RNF121: variants seen among roughly 807,000 people sequenced by gnomAD.
RNF121 encodes the protein E3 ubiquitin ligase RNF121.
RNF121 carries 21 observed loss-of-function variants against 46.5 expected under a neutral mutation model. The ratio of observed to expected loss-of-function variants is 0.45; its 90% CI spans 0.32 to 0.65. The LOEUF is 0.65. Ranked by LOEUF, RNF121 falls within the 30% of genes least tolerant of loss-of-function variation. The pLI, the probability that RNF121 is intolerant of heterozygous loss-of-function variation, is 0.04. For missense variants in RNF121, 346 were observed against 416.0 expected (o/e 0.83, Z 1.46); for synonymous variants, 139 against 144.7 (o/e 0.96, Z 0.28).
Position 71,997,196 on chromosome 11 carries a change from G to A in RNF121, c.*881G>A, listed in dbSNP as rs888968467. The stretch of plus-strand genomic sequence containing the variant: ...ACTTCCTTCTTGAAAGCCTAAGAGT[G>A]CGTATGCGTGTGTGTGTGTGTGTGT... On this transcript the variant is annotated 3_prime_UTR_variant, in exon 9 of 9. Transcript: ENST00000361756. 1.4e-5 allele frequency: 1 copy of A among 73,534 alleles called. No individual in the cohort carries two copies. The highest frequency in any genetic ancestry group is 3.4e-5 in the Non-Finnish European group (1 of 29,004). 4.6% of individuals were successfully genotyped at this position (73,534 alleles called of 1,614,324 possible).
intron 1 of RNF121, chr11:71,939,241 T>C: frequency 5.1e-6 from 1 of 194,566 alleles, no homozygotes; most frequent in Non-Finnish European, 1.1e-5. Context: ...TCTGCATTTT[T>C]AAGCATGTGC....
Position 71,994,823 on chromosome 11 carries a change from G to C in RNF121, c.732G>C (p.Glu244Asp). ...FVDVSEEGII[E>D]NTYRLSCNHV... is the part of the protein sequence containing the mutation. ...ACGTCAGTGAAGAGGGGATCATTGA[G>C]AACACGTATAGGCTGTCCTGCAATC... The change falls in exon 7 of 9, where the codon GAG becomes GAC. Residue 244 changes from glutamate to aspartate, a missense_variant. By Grantham distance (45) the Glu-to-Asp change is conservative. Coordinates refer to ENST00000361756, the MANE Select transcript of RNF121 (RefSeq NM_018320.5). 6.2e-7 allele frequency: 1 copy of C among 1,614,186 alleles called. No homozygotes were observed. The highest frequency in any genetic ancestry group is 8.5e-7 in the Non-Finnish European group (1 of 1,180,036).
chr11:71,985,164 G>T (rs7926550), intron 4 of RNF121, among the ~76,000 whole-genome samples: 1 of 152,134 alleles, frequency 6.6e-6, no homozygotes, highest in Non-Finnish European at 1.5e-5. Context: ...TGAGCTCAAA[G>T]AATCCTCCCA....
At chr11:71,979,650 C>T (rs752610202) in intron 3 of RNF121, among the ~76,000 whole-genome samples, 16 of 152,288 alleles carry the variant, frequency 1.1e-4, no homozygotes, top group Non-Finnish European at 2.2e-4. Context: ...CTCTCCTCAC[C>T]CAGAATGTAC....
chr11:71,980,790 G>T (rs1252604334), intron 3 of RNF121, among the ~76,000 whole-genome samples: 1 of 152,194 alleles, frequency 6.6e-6, no homozygotes, highest in Non-Finnish European at 1.5e-5. Context: ...AATGTAGCTA[G>T]TCTGTTGTAA....
intron 1 of RNF121, among the ~76,000 whole-genome samples, chr11:71,941,676 A>G (rs1953571611): frequency 6.6e-6 from 1 of 152,250 alleles, no homozygotes; most frequent in Non-Finnish European, 1.5e-5. Context: ...TACTTGAACC[A>G]AGTCCTGAAT....
chr11:71,986,911 C>G (rs1954782896), intron 4 of RNF121, 93 bp from the exon 5 acceptor site: 1 of 767,868 alleles, frequency 1.3e-6, no homozygotes, highest in Non-Finnish European at 2.3e-6. Context: ...CCCTGGTGTC[C>G]CCATTGATGT....
At position 71,991,202 on chromosome 11, in the gene RNF121, T is replaced by C. The variant is rs142867071; in HGVS notation, c.627+485T>C. Among the ~76,000 whole-genome samples, 34 of 149,788 alleles carry C rather than the reference T, an allele frequency of 2.3e-4. No homozygotes were observed. The East Asian group carries it at 6.7e-3, about 30-fold the overall frequency. ...TGCCCATGTAACAAACCTGCACATG[T>C]ACCCTCTGAATCTAAAATAAAAGTT... On this transcript the variant is annotated intron_variant, in intron 6 of 8. Coordinates refer to ENST00000361756, the MANE Select transcript of RNF121 (RefSeq NM_018320.5).
In RNF121 at chr11:71,996,430, C is replaced by G; in HGVS notation, c.*115C>G. On this transcript the variant is annotated 3_prime_UTR_variant, in exon 9 of 9. Transcript: ENST00000361756. ...AAGACTCAAAGGGGTGCTTGGGCCA[C>G]TCAGGACCCCTCTGGCTGTGTCGGA... The G allele has an allele frequency of 8.0e-7, 1 of 1,250,360 alleles. No individual in the cohort carries two copies. The highest frequency in any genetic ancestry group is 1.5e-5 in the South Asian group (1 of 66,806). 77.5% of individuals were successfully genotyped at this position (1,250,360 alleles called of 1,614,324 possible).
At chr11:71,971,568 A>AG (rs1954420800) in intron 3 of RNF121, among the ~76,000 whole-genome samples, 1 of 152,144 alleles carries the variant, frequency 6.6e-6, no homozygotes, top group Admixed American at 6.5e-5. Context: ...ATATTTATCC[A>AG]GAGAAACTCC....
At chr11:71,963,449 C>CG (rs1226134430) in intron 3 of RNF121, among the ~76,000 whole-genome samples, 2 of 151,890 alleles carry the variant, frequency 1.3e-5, no homozygotes, top group Admixed American at 1.3e-4. Context: ...GGTGAAACCC[C>CG]GTCTCTAATA....
chr11:71,978,176 C>T, intron 3 of RNF121: 3 of 452,678 alleles, frequency 6.6e-6, no homozygotes, highest in South Asian at 3.1e-5. Context: ...GCTCGAATTA[C>T]AGGAGTGAGC....
At chr11:71,951,342 T>A (rs1002791701) in intron 1 of RNF121, among the ~76,000 whole-genome samples, 2 of 152,216 alleles carry the variant, frequency 1.3e-5, no homozygotes, top group South Asian at 4.2e-4. Flanking sequence ...CAGATTAGGA[T>A]GTACATTATT....
intron 7 of RNF121, 50 bp from the exon 8 acceptor site, chr11:71,995,400 C>A: frequency 6.9e-7 from 1 of 1,441,580 alleles, no homozygotes; most frequent in Non-Finnish European, 9.6e-7. Context: ...CTGTCTGGGG[C>A]TGGAGTGCCG....
chr11:71,949,694 C>A (rs1467026712), intron 1 of RNF121, among the ~76,000 whole-genome samples: 2 of 151,790 alleles, frequency 1.3e-5, no homozygotes, highest in Non-Finnish European at 2.9e-5. Flanking sequence ...AGTAAGACTC[C>A]ATCTCAAAAC....
intron 5 of RNF121, 71 bp downstream of exon 5, chr11:71,987,182 C>A: frequency 1.0e-6 from 1 of 1,004,788 alleles, no homozygotes; most frequent in Non-Finnish European, 1.6e-6. Flanking sequence ...CCTCTTGTTG[C>A]AAGTCGTGGT....
At chr11:71,968,309 C>T (rs1038859764) in intron 3 of RNF121, among the ~76,000 whole-genome samples, 1 of 152,194 alleles carries the variant, frequency 6.6e-6, no homozygotes, top group Non-Finnish European at 1.5e-5. Context: ...ATCAAACTGC[C>T]TCGGCCTCGC....
intron 3 of RNF121, among the ~76,000 whole-genome samples, chr11:71,970,620 T>G (rs1954402192): frequency 6.6e-6 from 1 of 151,892 alleles, no homozygotes; most frequent in East Asian, 1.9e-4. Context: ...TATGATCACG[T>G]CACTGCACTC....
chr11:71,961,677 A>G (rs974990955), intron 3 of RNF121, among the ~76,000 whole-genome samples: 3 of 152,372 alleles, frequency 2.0e-5, no homozygotes, highest in Admixed American at 6.5e-5. Context: ...ATCACTTTAA[A>G]TATAAATGGA....
Sources: allele counts gnomAD v4.1 joint callset (sites outside exome capture counted in the v4.1 genomes callset), GRCh38; gene constraint gnomAD v4.1.1; transcripts MANE v1.5; gene names NCBI Gene and HGNC (gene_info 2026-07-23, HGNC 2026-07-21).